The following CD200R1 variants were observed in gnomAD, a reference collection of about 807,000 sequenced individuals.
CD200R1 encodes the protein CD200 receptor 1.
A neutral mutation model predicts 38.1 loss-of-function variants in CD200R1; 30 were observed. The observed-to-expected ratio is 0.79, with a 90% CI of 0.59 to 1.07. The LOEUF is 1.07. Ranked by LOEUF, CD200R1 falls within the 50% of genes least tolerant of loss-of-function variation. The probability of loss-of-function intolerance (pLI) is 0.00; values close to 1 mark genes in which losing one functional copy is unlikely to be tolerated. For synonymous variants in CD200R1, 128 were observed against 152.1 expected (o/e 0.84, Z 1.16); for missense variants, 372 against 415.4 (o/e 0.90, Z 0.91).
At chr3:112,947,744 T>C in intron 2 of CD200R1, 112 bp downstream of exon 2, 1 of 626,694 alleles carries the variant, frequency 1.6e-6, no homozygotes, top group Non-Finnish European at 2.9e-6. Context: ...AAATATAATA[T>C]CATTTAGATA....
At chr3:112,931,258 C>T in intron 2 of CD200R1, 87 bp from the exon 3 acceptor site, 1 of 746,270 alleles carries the variant, frequency 1.3e-6, no homozygotes, top group Non-Finnish European at 2.4e-6. Flanking sequence ...TCTTATCCAA[C>T]ATGATAGGCA....
chr3:112,923,940 A>T (rs1296190294), intron 7 of CD200R1, 141 bp from the exon 8 acceptor site: 21 of 550,100 alleles, frequency 3.8e-5, no homozygotes, highest in Middle Eastern at 4.8e-4. Flanking sequence ...GCCTATATAA[A>T]CATAAGAGCA....
At chr3:112,927,231 G>C (rs942713305) in intron 5 of CD200R1, among the ~76,000 whole-genome samples, 1 of 152,098 alleles carries the variant, frequency 6.6e-6, no homozygotes, top group Non-Finnish European at 1.5e-5. Flanking sequence ...ATTCTCAACA[G>C]TGGCACACTC....
At chr3:112,948,200 T>G (rs1940905836) in intron 1 of CD200R1, among the ~76,000 whole-genome samples, 1 of 152,150 alleles carries the variant, frequency 6.6e-6, no homozygotes, top group Non-Finnish European at 1.5e-5. Flanking sequence ...CTTCCAGGCT[T>G]TTAGTCTATC....
At chr3:112,955,870 C>G (rs951999781) in intron 1 of CD200R1, among the ~76,000 whole-genome samples, 1 of 150,654 alleles carries the variant, frequency 6.6e-6, no homozygotes, top group Non-Finnish European at 1.5e-5. Context: ...AAGTCCACTT[C>G]TAGGTACATT....
chr3:112,944,936 T>C (rs1387140825), intron 2 of CD200R1, among the ~76,000 whole-genome samples: 1 of 152,152 alleles, frequency 6.6e-6, no homozygotes, highest in East Asian at 1.9e-4. Flanking sequence ...AGTGAACAAG[T>C]GGAATTTGAA....
intron 3 of CD200R1, among the ~76,000 whole-genome samples, chr3:112,930,004 T>C (rs369336025): frequency 2.0e-5 from 3 of 152,222 alleles, no homozygotes; most frequent in Non-Finnish European, 4.4e-5. Context: ...TATTAATATA[T>C]AGTGCTTTCT....
chr3:112,955,163 A>G (rs1231604482), intron 1 of CD200R1, among the ~76,000 whole-genome samples: 2 of 152,200 alleles, frequency 1.3e-5, no homozygotes, highest in African/African-American at 4.8e-5. Context: ...CATATGATCT[A>G]TCCTAGAGAA....
At chr3:112,969,293 A>C (rs1207590429) in intron 1 of CD200R1, among the ~76,000 whole-genome samples, 3 of 152,230 alleles carry the variant, frequency 2.0e-5, no homozygotes, top group Non-Finnish European at 4.4e-5. Context: ...GAGAGACAAG[A>C]TATTGGGGAA....
In CD200R1 at chr3:112,929,461, AC is replaced by A. The variant is rs1185614993; in HGVS notation, c.248del (p.Cys83PhefsTer7). 6.2e-7 allele frequency: 1 copy of A among 1,613,768 alleles called. No individual in the cohort carries two copies. The highest frequency in any genetic ancestry group is 8.5e-7 in the Non-Finnish European group (1 of 1,179,844). On this transcript the variant is annotated frameshift_variant, in exon 4 of 8. Coordinates refer to ENST00000308611, the MANE Select transcript of CD200R1 (RefSeq NM_138806.4). LOFTEE classifies it high-confidence loss of function. ...PVKMATNAVLCCPPIALRNLI... is the reference protein window; with the variant it reads ...PVKMATNAVLXCPPIALRNLI... Reference sequence around the variant, plus strand: ...AATTTCTTAATGCGATAGGAGGGCAACAAAGCACAGCATTTGTAGCCATCTT... The same window carrying A: ...AATTTCTTAATGCGATAGGAGGGCAAAAAGCACAGCATTTGTAGCCATCTT...
intron 5 of CD200R1, among the ~76,000 whole-genome samples, chr3:112,926,256 T>C (rs113127039): frequency 0.01 from 1,597 of 152,270 alleles, 21 homozygotes; most frequent in South Asian, 0.031. Context: ...GCTCCTGGTG[T>C]TGCATGAATA....
At chr3:112,957,561 G>A (rs1941129791) in intron 1 of CD200R1, among the ~76,000 whole-genome samples, 1 of 152,120 alleles carries the variant, frequency 6.6e-6, no homozygotes, top group Admixed American at 6.5e-5. Flanking sequence ...ATATATATAA[G>A]AGCATCTCTG....
intron 1 of CD200R1, among the ~76,000 whole-genome samples, chr3:112,963,357 A>G (rs1933071051): frequency 6.6e-6 from 1 of 152,228 alleles, no homozygotes; most frequent in African/African-American, 2.4e-5. Flanking sequence ...AATGTGGGAA[A>G]GTTAGGAACA....
chr3:112,953,219 G>A (rs1320160609), intron 1 of CD200R1, among the ~76,000 whole-genome samples: 2 of 152,118 alleles, frequency 1.3e-5, no homozygotes, highest in African/African-American at 4.8e-5. Flanking sequence ...TGATCATCTG[G>A]TTTCTATTCT....
chr3:112,932,566 T>A (rs894007060), intron 2 of CD200R1, among the ~76,000 whole-genome samples: 3 of 151,908 alleles, frequency 2.0e-5, no homozygotes, highest in Admixed American at 6.6e-5. Flanking sequence ...AGCAGCCCCA[T>A]GCCCTCACTC....
intron 1 of CD200R1, among the ~76,000 whole-genome samples, chr3:112,953,805 T>C (rs1488605333): frequency 6.6e-6 from 1 of 152,194 alleles, no homozygotes; most frequent in Non-Finnish European, 1.5e-5. Flanking sequence ...TCCTTTTTCA[T>C]TCTCATTTTA....
At position 112,922,448 on chromosome 3, in the gene CD200R1, T is replaced by G. The variant is rs1940193042; in HGVS notation, c.*1229A>C. 1 of 152,140 alleles carries G rather than the reference T, an allele frequency of 6.6e-6. No homozygotes were observed. Among genetic ancestry groups the G allele is most frequent in the African/African-American group, 2.4e-5 (1 of 41,564 alleles). 9.4% of individuals were successfully genotyped at this position (152,140 alleles called of 1,614,324 possible). On this transcript the variant is annotated 3_prime_UTR_variant, in exon 8 of 8. Transcript: ENST00000308611. Reference sequence around the variant, plus strand: ...CTTGCTTATTATGTAGCTCATAGTTTGTAAATAAATACCCCATGTCCTCTA... The same window carrying G: ...CTTGCTTATTATGTAGCTCATAGTTGGTAAATAAATACCCCATGTCCTCTA...
At chr3:112,954,134 T>C (rs1941033349) in intron 1 of CD200R1, among the ~76,000 whole-genome samples, 1 of 152,178 alleles carries the variant, frequency 6.6e-6, no homozygotes, top group South Asian at 2.1e-4. Context: ...ATTTCCATTT[T>C]CATTTGTCTC....
intron 1 of CD200R1, among the ~76,000 whole-genome samples, chr3:112,970,636 T>C (rs1226005130): frequency 6.6e-6 from 1 of 150,858 alleles, no homozygotes; most frequent in Non-Finnish European, 1.5e-5. Context: ...AAATGGTTAA[T>C]TTTTCAGACA....
Sources: allele counts gnomAD v4.1 joint callset (sites outside exome capture counted in the v4.1 genomes callset), GRCh38; gene constraint gnomAD v4.1.1; transcripts MANE v1.5; gene names NCBI Gene and HGNC (gene_info 2026-07-23, HGNC 2026-07-21).